Variants in TTC3 observed in about 807,000 individuals in gnomAD.
TTC3 encodes tetratricopeptide repeat domain 3.
A neutral mutation model predicts 249.6 loss-of-function variants in TTC3; 180 were observed. The observed-to-expected ratio is 0.72, with a 90% CI of 0.64 to 0.82. The LOEUF (loss-of-function observed/expected upper bound fraction) is 0.82. TTC3 is among the 40% of genes least tolerant of loss of function. TTC3 has a pLI of 0.00. For missense variants in TTC3, 2,061 were observed against 2,398.4 expected, an observed-to-expected ratio of 0.86 and a Z score of 2.94; for synonymous variants, 717 against 805.0, an observed-to-expected ratio of 0.89 and a Z score of 1.85.
chr21:37,096,867 C>G (rs2073996848), intron 10 of TTC3: 2 of 392,688 alleles, frequency 5.1e-6, no homozygotes, highest in Admixed American at 4.5e-5. Context: ...ATTTTAAGTG[C>G]TTTGCATATG....
intron 24 of TTC3, 31 bp from the exon 25 acceptor site, chr21:37,150,789 C>A: frequency 6.5e-7 from 1 of 1,542,140 alleles, no homozygotes; most frequent in Non-Finnish European, 9.0e-7. Flanking sequence ...GAGTATGAGA[C>A]AAATTTTGGA....
At chr21:37,148,722 C>A in intron 23 of TTC3, 75 bp downstream of exon 23, 1 of 895,372 alleles carries the variant, frequency 1.1e-6, no homozygotes, top group Non-Finnish European at 1.7e-6. Context: ...GAATTCCTTC[C>A]TGAACATTCT....
At chr21:37,094,784 T>C (rs1326724617) in intron 8 of TTC3, among the ~76,000 whole-genome samples, 1 of 152,166 alleles carries the variant, frequency 6.6e-6, no homozygotes, top group Non-Finnish European at 1.5e-5. Context: ...TTTGTTTACT[T>C]TTTAATATTC....
intron 34 of TTC3, among the ~76,000 whole-genome samples, chr21:37,169,822 C>T (rs371520163): frequency 4.7e-4 from 70 of 149,006 alleles, no homozygotes; most frequent in Middle Eastern, 6.9e-3. Context: ...CACTCTAGCC[C>T]GGGCGACAGT....
intron 1 of TTC3, chr21:37,084,475 C>T (rs898043388): frequency 6.6e-6 from 1 of 152,194 alleles, no homozygotes; most frequent in African/African-American, 2.4e-5. Context: ...TTCCCATATA[C>T]CTGGTACTCT....
At chr21:37,193,133 C>T (rs1305507346) in intron 41 of TTC3, among the ~76,000 whole-genome samples, 8 of 152,196 alleles carry the variant, frequency 5.3e-5, no homozygotes, top group African/African-American at 1.7e-4. Context: ...TCTCCCAGCA[C>T]CTGACTTCCA....
chr21:37,077,193 T>G (rs1373837683), intron 1 of TTC3, among the ~76,000 whole-genome samples: 1 of 152,174 alleles, frequency 6.6e-6, no homozygotes, highest in Non-Finnish European at 1.5e-5. Flanking sequence ...AGTTTTACTT[T>G]AAAATGTTAC....
Position 37,104,011 on chromosome 21 carries a change from T to A in TTC3, c.846-4381T>A, listed in dbSNP as rs551195235. ...GAAGGGGATGTAGTGTGGATGTAGG[T>A]TAGGAGGCTGTTGCAGTAGCCCAGG... On this transcript the variant is annotated intron_variant, in intron 10 of 45. Coordinates refer to ENST00000355666, the Ensembl canonical transcript of TTC3. Among the ~76,000 whole-genome samples the A allele has an allele frequency of 2.0e-5, 3 of 152,094 alleles. No homozygotes were observed. The East Asian group carries it at 5.8e-4, about 29-fold the overall frequency.
At chr21:37,151,965 A>G (rs2079511016) in exon 26 of TTC3, 4 of 1,607,540 alleles carry the variant, frequency 2.5e-6, no homozygotes, top group African/African-American at 2.7e-5. Context: ...CAAAAAAGTT[A>G]GCACAAGAAA....
rs1215992312 is a variant in TTC3, at chr21:37,113,271, A to G, written c.900+4825A>G. ...ATTGTCCCTGTTTGCAGATAACATG[A>G]TTGTATATCTAGAAAACCCCATCGT... On this transcript the variant is annotated intron_variant, in intron 11 of 45. Coordinates refer to ENST00000355666, the Ensembl canonical transcript of TTC3. Among the ~76,000 whole-genome samples, 3 of 152,228 alleles carry G rather than the reference A, an allele frequency of 2.0e-5. No homozygotes were observed. In the East Asian group the frequency reaches 5.8e-4, roughly 29 times the overall value.
At chr21:37,162,215 G>C in intron 31 of TTC3, 152 bp downstream of exon 31, 1 of 511,462 alleles carries the variant, frequency 2.0e-6, no homozygotes, top group Non-Finnish European at 3.4e-6. Context: ...ATTCCATCTT[G>C]ATTACATTTA....
At chr21:37,190,134 T>C (rs937153411) in intron 39 of TTC3, among the ~76,000 whole-genome samples, 50 of 29,558 alleles carry the variant, frequency 1.7e-3, no homozygotes, top group East Asian at 0.016. Context: ...TTCTTTCTTT[T>C]TTTTTTTTTT....
chr21:37,088,700 C>T lies in TTC3; in HGVS notation c.339-99C>T, dbSNP rs2072850086. The T allele has an allele frequency of 1.5e-5, 17 of 1,116,050 alleles. No individual in the cohort carries two copies. The South Asian group carries it at 2.6e-4, about 17-fold the overall frequency. The allele number at this position is 1,116,050 out of a possible 1,614,324, so 69.1% of individuals were successfully genotyped here. On this transcript the variant is annotated intron_variant, in intron 4 of 45. Transcript: ENST00000355666. Reference sequence around the variant, plus strand: ...TTACCTAGAGTGAAGAAAAAGAGAACTTATTTTTTAATGGTTTGAGATATA... The same window carrying T: ...TTACCTAGAGTGAAGAAAAAGAGAATTTATTTTTTAATGGTTTGAGATATA...
chr21:37,163,570 G>A (rs539435705), intron 31 of TTC3, among the ~76,000 whole-genome samples: 2 of 152,138 alleles, frequency 1.3e-5, no homozygotes, highest in East Asian at 1.9e-4. Context: ...GGCTGATCTC[G>A]AACTCCTGAC....
At chr21:37,104,588 C>CAAAAAA (rs141618903) in intron 10 of TTC3, among the ~76,000 whole-genome samples, 28 of 104,308 alleles carry the variant, frequency 2.7e-4, no homozygotes, top group South Asian at 6.7e-4. Flanking sequence ...AACTCCGTCT[C>CAAAAAA]AAAAAAAAAA....
At position 37,152,596 on chromosome 21, in the gene TTC3, CA is replaced by C. The variant is rs779510047; in HGVS notation, c.2414-354del. Among the ~76,000 whole-genome samples, 50 of 151,976 alleles carry C rather than the reference CA, an allele frequency of 3.3e-4. 1 individual carries two copies. Among genetic ancestry groups the C allele is most frequent in the Non-Finnish European group, 1.3e-4 (9 of 68,004 alleles). On this transcript the variant is annotated intron_variant, in intron 26 of 45. Transcript: ENST00000355666. ...AGAGATGGGGTTTCACCGTGTTAGCCAGGATGGTCTCGATCTCCTGATCCAC... is the reference window on the plus strand; with the variant it reads ...AGAGATGGGGTTTCACCGTGTTAGCCGGATGGTCTCGATCTCCTGATCCAC...
chr21:37,098,714 G>A (rs535355353), intron 10 of TTC3: 1 of 152,268 alleles, frequency 6.6e-6, no homozygotes, highest in South Asian at 2.1e-4. Flanking sequence ...GCTCAGTAAT[G>A]TAGGGATAAT....
chr21:37,181,679 A>AAG (rs2082774252), intron 35 of TTC3, among the ~76,000 whole-genome samples: 1 of 152,250 alleles, frequency 6.6e-6, no homozygotes, highest in Admixed American at 6.5e-5. Context: ...CAGAAATCTT[A>AAG]AAGGACCTTG....
intron 13 of TTC3, among the ~76,000 whole-genome samples, chr21:37,123,414 A>G (rs113753697): frequency 1.7e-4 from 26 of 152,292 alleles, no homozygotes; most frequent in African/African-American, 5.3e-4. Context: ...AAAAACCACA[A>G]TTACTTTTGC....
Sources: allele counts gnomAD v4.1 joint callset (sites outside exome capture counted in the v4.1 genomes callset), GRCh38; gene constraint gnomAD v4.1.1; transcripts MANE v1.5; gene names NCBI Gene and HGNC (gene_info 2026-07-23, HGNC 2026-07-21).